DNAJC7: variants seen among roughly 807,000 people sequenced by gnomAD.
DNAJC7 encodes DnaJ heat shock protein family (Hsp40) member C7.
In DNAJC7, 18 loss-of-function variants were observed where a neutral mutation model predicts 67.4. The ratio of observed to expected loss-of-function variants is 0.27; its 90% CI spans 0.18 to 0.40. The LOEUF is 0.40. Among genes scored for constraint, DNAJC7 ranks in the 10% least tolerant of loss-of-function variants. DNAJC7 has a pLI of 1.00. For synonymous variants in DNAJC7, 220 were observed against 207.8 expected, an observed-to-expected ratio of 1.06 and a Z score of -0.50; for missense variants, 419 against 613.8, an observed-to-expected ratio of 0.68 and a Z score of 3.35.
intron 1 of DNAJC7, among the ~76,000 whole-genome samples, chr17:42,002,955 G>A (rs2051848206): frequency 6.6e-6 from 1 of 152,180 alleles, no homozygotes; most frequent in Admixed American, 6.5e-5. Flanking sequence ...TCTTTAAGAT[G>A]CAAGACCTAG....
intron 11 of DNAJC7, 67 bp from the exon 12 acceptor site, chr17:41,982,074 A>G: frequency 3.8e-6 from 6 of 1,587,850 alleles, no homozygotes; most frequent in Non-Finnish European, 5.1e-6. Context: ...GTTTAAGAGA[A>G]AAACTACTTT....
chr17:42,000,522 T>C lies in DNAJC7; in HGVS notation c.126A>G (p.Lys42=). ...KEQGNAYYAK[K]DYNEAYNYYT... ...AATAATTATAAGCTTCATTGTAATC[T>C]TTCTTGGCATAGTATGCATTTCCTT... is the stretch of plus-strand genomic sequence containing the variant. The change falls in exon 2 of 14, where the codon AAA becomes AAG. Residue 42 remains lysine, a synonymous_variant. Coordinates refer to ENST00000457167, the MANE Select transcript of DNAJC7 (RefSeq NM_003315.4). 1 of 1,612,450 alleles carries C rather than the reference T, an allele frequency of 6.2e-7. No individual in the cohort carries two copies. Among genetic ancestry groups the C allele is most frequent in the Non-Finnish European group, 8.5e-7 (1 of 1,179,190 alleles).
At position 41,997,111 on chromosome 17, in the gene DNAJC7, A is replaced by G. The variant is rs2051681974; in HGVS notation, c.291+4T>C. ...TTCCCCAAACAGCCCCATTACATAC[A>G]TACCCGGACAAAACTGTCATCCAAC... On this transcript the variant is annotated splice_donor_region_variant and intron_variant, in intron 3 of 13. Transcript: ENST00000457167. 1 of 1,613,780 alleles carries G rather than the reference A, an allele frequency of 6.2e-7. No homozygotes were observed. Among genetic ancestry groups the G allele is most frequent in the African/African-American group, 1.3e-5 (1 of 74,920 alleles).
intron 13 of DNAJC7, 187 bp downstream of exon 13, chr17:41,977,074 G>C (rs1034549744): frequency 2.9e-6 from 2 of 692,218 alleles, no homozygotes; most frequent in Non-Finnish European, 4.8e-6. Flanking sequence ...AAGGTCCCAA[G>C]GCAAGGGGTG....
intron 12 of DNAJC7, among the ~76,000 whole-genome samples, chr17:41,980,908 A>G (rs2051232173): frequency 6.6e-6 from 1 of 152,180 alleles, no homozygotes; most frequent in African/African-American, 2.4e-5. Flanking sequence ...CTTACCACAT[A>G]CAGCCCTTAT....
rs782078254 is a variant in DNAJC7, at chr17:41,997,135, A to G, written c.271T>C (p.Leu91=). The change falls in exon 3 of 14, where the codon TTG becomes CTG. Residue 91 remains leucine (L), a synonymous_variant. Transcript: ENST00000457167. ...ALGDAQQSVR[L]DDSFVRGHLR... The stretch of plus-strand genomic sequence containing the variant: ...CATACCCGGACAAAACTGTCATCCA[A>G]CCTCACTGACTGTTGTGCATCTCCA... The G allele has an allele frequency of 2.3e-5, 37 of 1,613,768 alleles. No individual in the cohort carries two copies. The East Asian group carries it at 4.5e-4, about 19-fold the overall frequency.
At chr17:42,011,822 C>T (rs964125365) in intron 1 of DNAJC7, 1 of 152,196 alleles carries the variant, frequency 6.6e-6, no homozygotes, top group Non-Finnish European at 1.5e-5. Context: ...GGCATGCCCA[C>T]AAGCTCTTCA....
At position 41,994,490 on chromosome 17, in the gene DNAJC7, A is replaced by C. The variant is rs559286016; in HGVS notation, c.480+380T>G. ...AGGTTGCAGTTAGCCACTGTGCTCC[A>C]GCCTGGGTGACAGAGTGAGACTAGG... On this transcript the variant is annotated intron_variant, in intron 5 of 13. Transcript: ENST00000457167. Among the ~76,000 whole-genome samples the C allele has an allele frequency of 6.2e-5, 9 of 146,314 alleles. No homozygotes were observed. In the South Asian group the frequency reaches 1.6e-3, roughly 25 times the overall value.
intron 12 of DNAJC7, among the ~76,000 whole-genome samples, chr17:41,980,828 C>T (rs782294060): frequency 6.6e-6 from 1 of 152,182 alleles, no homozygotes; most frequent in African/African-American, 2.4e-5. Flanking sequence ...GTATGACATA[C>T]ATAAATGTCA....
chr17:41,982,519 G>T (rs1176032164), intron 10 of DNAJC7, 118 bp from the exon 11 acceptor site: 6 of 1,329,042 alleles, frequency 4.5e-6, no homozygotes, highest in Non-Finnish European at 6.2e-6. Flanking sequence ...GACTTTTACG[G>T]TGCTTTCTTC....
chr17:42,006,241 C>G (rs1480609756), intron 1 of DNAJC7, among the ~76,000 whole-genome samples: 1 of 151,668 alleles, frequency 6.6e-6, no homozygotes, highest in Admixed American at 6.6e-5. Context: ...GCAACCCCCA[C>G]GTCCTGGGTT....
chr17:41,989,394 TA>T lies in DNAJC7; in HGVS notation c.753+9del. 2 of 1,613,610 alleles carry T rather than the reference TA, an allele frequency of 1.2e-6. No homozygotes were observed. The highest frequency in any genetic ancestry group is 1.7e-6 in the Non-Finnish European group (2 of 1,179,770). On this transcript the variant is annotated intron_variant, in intron 7 of 13. Coordinates refer to ENST00000457167, the MANE Select transcript of DNAJC7 (RefSeq NM_003315.4). ...CTCTTTCCCAGTTAGGTCTGGTGAC[TA>T]GAACTTACTCTGCAGGCAATGCAGG...
At chr17:42,017,164 C>G (rs2143402922) in intron 1 of DNAJC7, 176 bp downstream of exon 1, 1 of 1,506,348 alleles carries the variant, frequency 6.6e-7, no homozygotes. Context: ...GAGAGGAAGG[C>G]CGACCCCCAA....
chr17:41,988,652 C>T lies in DNAJC7; in HGVS notation c.918+80G>A, dbSNP rs149856019. The T allele has an allele frequency of 2.4e-4, 354 of 1,462,580 alleles. 3 individuals carry two copies. In the African/African-American group the frequency reaches 4.8e-3, roughly 20 times the overall value. 90.6% of individuals were successfully genotyped at this position (1,462,580 alleles called of 1,614,324 possible). A position where few individuals can be genotyped will look rare whatever the true frequency, so the allele number is the denominator to read the frequency against. ...TTCCCTCTTTCATCTTGCTTACCCT[C>T]ACTAGGCAGATTTCCCAAGACCCTT... is the stretch of plus-strand genomic sequence containing the variant. On this transcript the variant is annotated intron_variant, in intron 8 of 13. Coordinates refer to ENST00000457167, the MANE Select transcript of DNAJC7 (RefSeq NM_003315.4).
intron 1 of DNAJC7, among the ~76,000 whole-genome samples, chr17:42,002,055 C>G (rs1211297857): frequency 6.6e-6 from 1 of 152,026 alleles, no homozygotes; most frequent in East Asian, 1.9e-4. Context: ...TTTAAAGAAC[C>G]AACTGAAATC....
At chr17:41,979,657 TAAAAAAAAA>T (rs71155200) in intron 12 of DNAJC7, among the ~76,000 whole-genome samples, 23 of 47,870 alleles carry the variant, frequency 4.8e-4, no homozygotes, top group African/African-American at 1.9e-3. Flanking sequence ...GGCTCAGTCT[TAAAAAAAAA>T]AAAAAAAAAA....
chr17:42,017,086 A>T, intron 1 of DNAJC7: 7 of 1,411,992 alleles, frequency 5.0e-6, no homozygotes, highest in Non-Finnish European at 5.5e-6. Flanking sequence ...GGCCTCTCCT[A>T]TAAGGACGAT....
chr17:42,004,828 A>G (rs2051903455), intron 1 of DNAJC7, among the ~76,000 whole-genome samples: 1 of 152,206 alleles, frequency 6.6e-6, no homozygotes. Flanking sequence ...TAGTTTGAGA[A>G]CAGCCTGGAA....
chr17:42,004,476 G>A (rs1300534302), intron 1 of DNAJC7, among the ~76,000 whole-genome samples: 1 of 152,158 alleles, frequency 6.6e-6, no homozygotes, highest in Non-Finnish European at 1.5e-5. Context: ...AAGCAGAATA[G>A]CTTCACAGCT....
Sources: allele counts gnomAD v4.1 joint callset (sites outside exome capture counted in the v4.1 genomes callset), GRCh38; gene constraint gnomAD v4.1.1; transcripts MANE v1.5; gene names NCBI Gene and HGNC (gene_info 2026-07-23, HGNC 2026-07-21).